Variants in ALCAM observed in about 807,000 individuals in gnomAD.
ALCAM encodes CD166 antigen.
Under a neutral mutation model 70.9 loss-of-function variants are expected in ALCAM, and 30 were observed. The observed-to-expected ratio is 0.42, with a 90% CI of 0.32 to 0.57. The LOEUF (loss-of-function observed/expected upper bound fraction) is 0.57. Ranked by LOEUF, ALCAM falls within the 20% of genes least tolerant of loss-of-function variation. The pLI is 0.11. For synonymous variants in ALCAM, 249 were observed against 242.5 expected (o/e 1.03, Z -0.25); for missense variants, 591 against 695.1 (o/e 0.85, Z 1.68).
At chr3:105,387,893 T>C (rs1935697492) in intron 1 of ALCAM, among the ~76,000 whole-genome samples, 1 of 151,626 alleles carries the variant, frequency 6.6e-6, no homozygotes, top group South Asian at 2.1e-4. Context: ...TGAGACTTTA[T>C]TCTACTGCCA....
At chr3:105,478,418 T>C (rs1188993285) in intron 1 of ALCAM, among the ~76,000 whole-genome samples, 1 of 152,114 alleles carries the variant, frequency 6.6e-6, no homozygotes, top group Non-Finnish European at 1.5e-5. Context: ...GGATTCCCCC[T>C]TACAAAATTT....
At chr3:105,402,107 A>G (rs1936104689) in intron 1 of ALCAM, among the ~76,000 whole-genome samples, 1 of 152,224 alleles carries the variant, frequency 6.6e-6, no homozygotes, top group African/African-American at 2.4e-5. Context: ...AGATGTCAAG[A>G]TAAGGCTTAT....
At position 105,517,328 on chromosome 3, in the gene ALCAM, C is replaced by T. The variant is rs372371178; in HGVS notation, c.74-2739C>T. 3.3e-5 allele frequency among the ~76,000 whole-genome samples: 5 copies of T among 152,204 alleles called. 1 individual carries two copies. Among genetic ancestry groups the T allele is most frequent in the African/African-American group, 1.2e-4 (5 of 41,546 alleles). ...TAACATGCCATCCAACTTACTGCCA[C>T]TCATTCTGCCCTAGGCCTTATGTCT... On this transcript the variant is annotated intron_variant, in intron 1 of 15. Coordinates refer to ENST00000306107, the MANE Select transcript of ALCAM (RefSeq NM_001627.4).
intron 5 of ALCAM, among the ~76,000 whole-genome samples, chr3:105,534,212 C>T (rs1459622782): frequency 6.6e-6 from 1 of 152,094 alleles, no homozygotes; most frequent in South Asian, 2.1e-4. Flanking sequence ...TGTGGTTGCC[C>T]ACCGCTCACC....
At chr3:105,496,990 C>T (rs1280357763) in intron 1 of ALCAM, among the ~76,000 whole-genome samples, 1 of 151,984 alleles carries the variant, frequency 6.6e-6, no homozygotes, top group Admixed American at 6.6e-5. Context: ...ACCCTATTAC[C>T]TCATTCTAAC....
chr3:105,444,242 T>C (rs1418825160), intron 1 of ALCAM, among the ~76,000 whole-genome samples: 1 of 152,210 alleles, frequency 6.6e-6, no homozygotes, highest in African/African-American at 2.4e-5. Flanking sequence ...GGGTAATTTA[T>C]CAAGGGAAGA....
chr3:105,552,002 T>A, intron 12 of ALCAM, 142 bp from the exon 13 acceptor site: 1 of 530,796 alleles, frequency 1.9e-6, no homozygotes, highest in Non-Finnish European at 3.3e-6. Context: ...CTTTATTAAG[T>A]GTGATTTTTT....
At chr3:105,549,624 G>A (rs1011108392) in intron 11 of ALCAM, among the ~76,000 whole-genome samples, 31 of 151,486 alleles carry the variant, frequency 2.0e-4, no homozygotes, top group African/African-American at 7.2e-4. Flanking sequence ...TCCATCCTCT[G>A]TATTTACAAC....
intron 1 of ALCAM, among the ~76,000 whole-genome samples, chr3:105,470,236 AAT>A (rs1219733197): frequency 6.0e-5 from 9 of 150,678 alleles, no homozygotes; most frequent in Admixed American, 1.3e-4. Flanking sequence ...GTCTGTCTAC[AAT>A]TTTTACTTAA....
chr3:105,492,903 T>C (rs1474990905), intron 1 of ALCAM, among the ~76,000 whole-genome samples: 1 of 152,220 alleles, frequency 6.6e-6, no homozygotes, highest in Non-Finnish European at 1.5e-5. Flanking sequence ...AGTTTAGCCA[T>C]TATAAGCATT....
At chr3:105,558,003 C>A (rs550131579) in intron 14 of ALCAM, among the ~76,000 whole-genome samples, 1 of 152,180 alleles carries the variant, frequency 6.6e-6, no homozygotes, top group South Asian at 2.1e-4. Flanking sequence ...TAGTGTCCTG[C>A]TGTCCTCCTC....
At chr3:105,528,067 G>A (rs1939750758) in intron 3 of ALCAM, among the ~76,000 whole-genome samples, 2 of 152,148 alleles carry the variant, frequency 1.3e-5, no homozygotes, top group Non-Finnish European at 2.9e-5. Flanking sequence ...TGCTGACAAA[G>A]TACTGGGAGG....
intron 1 of ALCAM, among the ~76,000 whole-genome samples, chr3:105,498,914 T>C (rs948407103): frequency 6.6e-6 from 1 of 152,228 alleles, no homozygotes; most frequent in African/African-American, 2.4e-5. Context: ...CACGAACTGC[T>C]AAAACAGTGT....
intron 7 of ALCAM, among the ~76,000 whole-genome samples, chr3:105,541,226 T>C (rs949212602): frequency 6.6e-6 from 1 of 151,838 alleles, no homozygotes; most frequent in Admixed American, 6.6e-5. Context: ...CTTTCCTTCC[T>C]TCCTTCTTTC....
intron 3 of ALCAM, among the ~76,000 whole-genome samples, chr3:105,531,004 G>A (rs1285021145): frequency 6.6e-6 from 1 of 151,890 alleles, no homozygotes; most frequent in East Asian, 1.9e-4. Context: ...TAAACAATAA[G>A]ACTATAAAAG....
At chr3:105,556,938 A>C (rs1940532105) in intron 14 of ALCAM, among the ~76,000 whole-genome samples, 1 of 151,896 alleles carries the variant, frequency 6.6e-6, no homozygotes, top group South Asian at 2.1e-4. Flanking sequence ...AATCCTCAAC[A>C]ATTTAATGAG....
intron 1 of ALCAM, among the ~76,000 whole-genome samples, chr3:105,485,284 T>C (rs953818463): frequency 2.6e-5 from 4 of 152,166 alleles, no homozygotes; most frequent in African/African-American, 9.6e-5. Flanking sequence ...GAGTACAGCA[T>C]TGATATACAT....
intron 1 of ALCAM, among the ~76,000 whole-genome samples, chr3:105,505,988 G>A (rs1939064028): frequency 6.6e-6 from 1 of 152,046 alleles, no homozygotes; most frequent in Non-Finnish European, 1.5e-5. Flanking sequence ...TATGATCAGC[G>A]ATTTTTATTG....
intron 1 of ALCAM, among the ~76,000 whole-genome samples, chr3:105,416,294 A>T (rs1179386170): frequency 6.6e-6 from 1 of 152,020 alleles, no homozygotes; most frequent in Non-Finnish European, 1.5e-5. Context: ...CAAATGTAAC[A>T]TTTAATATCT....
Sources: allele counts gnomAD v4.1 joint callset (sites outside exome capture counted in the v4.1 genomes callset), GRCh38; gene constraint gnomAD v4.1.1; transcripts MANE v1.5; gene names NCBI Gene and HGNC (gene_info 2026-07-23, HGNC 2026-07-21).